TIMM23: variants seen among roughly 807,000 people sequenced by gnomAD.
TIMM23 encodes mitochondrial import inner membrane translocase subunit Tim23.
Under a neutral mutation model 30.7 loss-of-function variants are expected in TIMM23, and 19 were observed. That is an observed-to-expected ratio of 0.62 (90% CI 0.43 to 0.91). The LOEUF (loss-of-function observed/expected upper bound fraction) is 0.91. Among genes scored for constraint, TIMM23 ranks in the 40% least tolerant of loss-of-function variants. The pLI, the probability that TIMM23 is intolerant of heterozygous loss-of-function variation, is 0.00. For missense variants in TIMM23, 202 were observed against 269.2 expected (o/e 0.75, Z 1.75); for synonymous variants, 78 against 98.5 (o/e 0.79, Z 1.23).
chr10:45,983,519 A>G (rs1165813499), intron 4 of TIMM23, among the ~76,000 whole-genome samples: 6 of 152,224 alleles, frequency 3.9e-5, no homozygotes, highest in African/African-American at 1.4e-4. Flanking sequence ...TTTTCACCCA[A>G]CTTAAGAAGT....
In TIMM23 at chr10:45,988,731, C is replaced by T; in HGVS notation, c.404-6C>T. 1 of 1,613,750 alleles carries T rather than the reference C, an allele frequency of 6.2e-7. No homozygotes were observed. Among genetic ancestry groups the T allele is most frequent in the Non-Finnish European group, 8.5e-7 (1 of 1,179,728 alleles). On this transcript the variant is annotated splice_region_variant and splice_polypyrimidine_tract_variant and intron_variant, in intron 5 of 6. Transcript: ENST00000580018. ...TTGTCACTGAGCACTTCCATTTCCT[C>T]TTTAGCTTTGCTCTATAGTGCATTT...
chr10:46,003,123 T>C, intron 6 of TIMM23, 80 bp from the exon 7 acceptor site: 1 of 1,174,836 alleles, frequency 8.5e-7, no homozygotes, highest in Non-Finnish European at 1.3e-6. Context: ...CATTTCACAG[T>C]ACTTTTTATT....
At chr10:45,999,533 AAAG>A (rs1258999669) in intron 6 of TIMM23, among the ~76,000 whole-genome samples, 18 of 151,318 alleles carry the variant, frequency 1.2e-4, no homozygotes, top group South Asian at 2.1e-4. Context: ...GGGATTTTCA[AAAG>A]AGGAGGGAGT....
chr10:45,972,745 T>C lies in TIMM23; in HGVS notation c.106+15T>C. The C allele has an allele frequency of 6.2e-7, 1 of 1,613,494 alleles. No homozygotes were observed. The highest frequency in any genetic ancestry group is 8.5e-7 in the Non-Finnish European group (1 of 1,179,712). ...TGGCGTCCCGCGTAAGTATGGGGCC[T>C]AGCTTGCGATTATTTCTGACTGGTT... On this transcript the variant is annotated intron_variant, in intron 1 of 6. Transcript: ENST00000580018.
At chr10:45,980,854 C>G (rs1276917676) in intron 2 of TIMM23, among the ~76,000 whole-genome samples, 2 of 150,162 alleles carry the variant, frequency 1.3e-5, no homozygotes, top group Admixed American at 1.3e-4. Flanking sequence ...TCAGTTGATA[C>G]TAGCAGGAGA....
chr10:45,988,677 A>T lies in TIMM23; in HGVS notation c.404-60A>T, dbSNP rs1431726903. 3 of 1,274,818 alleles carry T rather than the reference A, an allele frequency of 2.4e-6. No individual in the cohort carries two copies. The African/African-American group carries it at 4.4e-5, about 19-fold the overall frequency. 79.0% of individuals were successfully genotyped at this position (1,274,818 alleles called of 1,614,324 possible). ...ACCATGGATGAAAACCAATATATGT[A>T]TATCATAATATCACACTTTATCACT... On this transcript the variant is annotated intron_variant, in intron 5 of 6. Transcript: ENST00000580018.
chr10:45,987,810 G>A (rs1554915018), intron 5 of TIMM23, among the ~76,000 whole-genome samples: 1 of 151,506 alleles, frequency 6.6e-6, no homozygotes, highest in Non-Finnish European at 1.5e-5. Context: ...TAGAGAAGGG[G>A]GTATCCCTAT....
intron 6 of TIMM23, chr10:45,992,730 G>T: frequency 2.8e-6 from 1 of 357,980 alleles, no homozygotes; most frequent in South Asian, 2.2e-5. Flanking sequence ...GCTAATTTTT[G>T]TATTTTTAGT....
chr10:45,996,002 T>C lies in TIMM23; in HGVS notation c.514+7155T>C, dbSNP rs1206125909. On this transcript the variant is annotated intron_variant, in intron 6 of 6. Coordinates refer to ENST00000580018, the MANE Select transcript of TIMM23 (RefSeq NM_006327.4). ...GTGTCTGATGCATAATAAACCAACC[T>C]AACAAAAAATGCTGCCTTTCGGAGG... 1.2e-4 allele frequency among the ~76,000 whole-genome samples: 18 copies of C among 149,908 alleles called. 1 individual carries two copies. Among genetic ancestry groups the C allele is most frequent in the Admixed American group, 5.9e-4 (9 of 15,232 alleles).
chr10:46,002,808 GTATTTTTT>G (rs1288686432), intron 6 of TIMM23, among the ~76,000 whole-genome samples: 11 of 115,478 alleles, frequency 9.5e-5, no homozygotes, highest in African/African-American at 3.6e-4. Flanking sequence ...CCATTTCATA[GTATTTTTT>G]TTTTTTTTTT....
At chr10:45,996,385 T>A (rs1838332866) in intron 6 of TIMM23, among the ~76,000 whole-genome samples, 3 of 148,976 alleles carry the variant, frequency 2.0e-5, no homozygotes, top group Non-Finnish European at 4.4e-5. Context: ...TTATGAAAAA[T>A]TTGGAAATAT....
chr10:46,001,198 T>C (rs1554917640), intron 6 of TIMM23, among the ~76,000 whole-genome samples: 1 of 152,202 alleles, frequency 6.6e-6, no homozygotes, highest in Non-Finnish European at 1.5e-5. Context: ...ATTAGTACAA[T>C]TTTTCAACCA....
chr10:45,974,163 G>T (rs77869599), intron 1 of TIMM23, among the ~76,000 whole-genome samples: 131,906 of 150,504 alleles, frequency 0.88, 57,903 homozygotes, highest in East Asian at 0.94. Flanking sequence ...TTTTGTGGGG[G>T]TTTTTTTTGT....
At chr10:46,001,003 T>A (rs1838515395) in intron 6 of TIMM23, among the ~76,000 whole-genome samples, 1 of 152,228 alleles carries the variant, frequency 6.6e-6, no homozygotes, top group Admixed American at 6.5e-5. Context: ...AACTGAGCGA[T>A]AGCAATGCTG....
At chr10:45,993,450 C>T (rs1838233209) in intron 6 of TIMM23, among the ~76,000 whole-genome samples, 2 of 151,922 alleles carry the variant, frequency 1.3e-5, no homozygotes, top group African/African-American at 2.4e-5. Flanking sequence ...GACGGGGTTT[C>T]TCCATGTTGG....
chr10:45,977,211 C>CT (rs1837699964), intron 2 of TIMM23, among the ~76,000 whole-genome samples: 1 of 148,782 alleles, frequency 6.7e-6, no homozygotes, highest in South Asian at 2.2e-4. Flanking sequence ...TCCCAGCTGG[C>CT]TTTTTTGCAG....
intron 6 of TIMM23, among the ~76,000 whole-genome samples, chr10:45,993,398 A>C (rs587627777): frequency 1.3e-5 from 2 of 152,026 alleles, no homozygotes; most frequent in African/African-American, 4.8e-5. Context: ...AATTACACGC[A>C]TGCACCACGA....
chr10:45,975,651 A>G (rs1293713387), intron 2 of TIMM23, 139 bp downstream of exon 2: 2 of 1,103,174 alleles, frequency 1.8e-6, no homozygotes, highest in African/African-American at 3.2e-5. Flanking sequence ...TTTTCCTCAC[A>G]AACACCAGGA....
In TIMM23 at chr10:45,982,532, G is replaced by A; in HGVS notation, c.175G>A (p.Glu59Lys). ...ATTATTATCCTTTTAGGATACAGATGAGTTTATTTTACCTACCGGAGCTAA... is the reference window on the plus strand; with the variant it reads ...ATTATTATCCTTTTAGGATACAGATAAGTTTATTTTACCTACCGGAGCTAA... ...DPRYLVQDTD[E>K]FILPTGANKT... The change falls in exon 3 of 7, where the codon GAG becomes AAG. Residue 59 changes from glutamate to lysine, a missense_variant. Physicochemically the swap from Glu to Lys is moderately conservative, Grantham distance 56. Transcript: ENST00000580018. 6.2e-7 allele frequency: 1 copy of A among 1,613,922 alleles called. No homozygotes were observed. The highest frequency in any genetic ancestry group is 8.5e-7 in the Non-Finnish European group (1 of 1,179,840).
Sources: allele counts gnomAD v4.1 joint callset (sites outside exome capture counted in the v4.1 genomes callset), GRCh38; gene constraint gnomAD v4.1.1; transcripts MANE v1.5; gene names NCBI Gene and HGNC (gene_info 2026-07-23, HGNC 2026-07-21).